Variants in ANOS1 observed in about 807,000 individuals in gnomAD.
The protein encoded by ANOS1 is anosmin 1, also known as anosmin-1.
Under a neutral mutation model 59.0 loss-of-function variants are expected in ANOS1, and 6 were observed. The observed-to-expected ratio is 0.10, with a 90% CI of 0.06 to 0.20. The LOEUF (loss-of-function observed/expected upper bound fraction) is 0.20, where lower values mean the gene tolerates loss of function less well. Ranked by LOEUF, ANOS1 falls within the 10% of genes least tolerant of loss-of-function variation. The pLI is 1.00. For synonymous variants in ANOS1, 217 were observed against 223.4 expected (o/e 0.97, Z 0.25); for missense variants, 433 against 542.3 (o/e 0.80, Z 2.00).
chrX:8,656,739 C>T (rs756306392), intron 2 of ANOS1, among the ~76,000 whole-genome samples: 3 of 111,452 alleles, frequency 2.7e-5, no homozygotes, highest in Non-Finnish European at 5.6e-5. Flanking sequence ...CAACGCCATA[C>T]ATGACTTGAA....
At chrX:8,707,688 T>C (rs1932787323) in intron 1 of ANOS1, among the ~76,000 whole-genome samples, 1 of 111,420 alleles carries the variant, frequency 9.0e-6, no homozygotes, top group Non-Finnish European at 1.9e-5. Flanking sequence ...ATTTTAAATA[T>C]ATAGGAGGAT....
chrX:8,610,024 A>C (rs1931020186), intron 3 of ANOS1, among the ~76,000 whole-genome samples: 2 of 88,872 alleles, frequency 2.3e-5, no homozygotes, highest in Non-Finnish European at 4.5e-5. Flanking sequence ...AAAAAAAAAA[A>C]AAAAAAAAAA....
chrX:8,605,969 G>A, intron 3 of ANOS1, among the ~76,000 whole-genome samples: 1 of 97,427 alleles, frequency 1.0e-5, no homozygotes, highest in South Asian at 6.3e-4. Flanking sequence ...GAGTGTATGT[G>A]CCTTGTGGGG....
At chrX:8,558,243 C>G (rs1328979683) in intron 8 of ANOS1, among the ~76,000 whole-genome samples, 1 of 111,065 alleles carries the variant, frequency 9.0e-6, no homozygotes, top group East Asian at 2.8e-4. Flanking sequence ...ATGGGTGCAG[C>G]ACACCACCAT....
chrX:8,721,048 T>A (rs1932871782), intron 1 of ANOS1, among the ~76,000 whole-genome samples: 1 of 111,999 alleles, frequency 8.9e-6, no homozygotes, highest in Admixed American at 9.5e-5. Flanking sequence ...AGATTCTTAT[T>A]GGTTAGAAGA....
At chrX:8,545,382 GGGAAGGAAGGAAGGAA>G (rs56104485) in intron 9 of ANOS1, among the ~76,000 whole-genome samples, 1 of 99,045 alleles carries the variant, frequency 1.0e-5, no homozygotes, top group Non-Finnish European at 2.0e-5. Flanking sequence ...GGAAAGGAAA[GGGAAGGAAGGAAGGAA>G]GGAAGGAAGG....
chrX:8,534,319 T>C lies in ANOS1; in HGVS notation c.1984A>G (p.Arg662Gly), dbSNP rs1367248542. ...CTTAATGCCCTGGCACCCCACTCAC[T>C]GTGTGCTGAAGAGGGTGGGAGCTCC... ...TPELPPSSAH[R>G]SHLKHRHPHH... The change falls in exon 13 of 14, where the codon AGA becomes GGA. Residue 662 changes from arginine to glycine, a missense_variant and splice_region_variant. Coordinates refer to ENST00000262648, the MANE Select transcript of ANOS1 (RefSeq NM_000216.4). 1 of 1,209,385 alleles carries C rather than the reference T, an allele frequency of 8.3e-7. No individual in the cohort carries two copies. Among genetic ancestry groups the C allele is most frequent in the Non-Finnish European group, 1.1e-6 (1 of 894,843 alleles).
intron 8 of ANOS1, among the ~76,000 whole-genome samples, chrX:8,557,979 A>G (rs1929973896): frequency 8.9e-6 from 1 of 112,123 alleles, no homozygotes; most frequent in Non-Finnish European, 1.9e-5. Flanking sequence ...ACACCATGGA[A>G]TACTATGTAG....
intron 3 of ANOS1, among the ~76,000 whole-genome samples, chrX:8,616,027 A>G (rs1394298068): frequency 1.1e-5 from 1 of 94,592 alleles, no homozygotes; most frequent in African/African-American, 3.9e-5. Flanking sequence ...CCACAATCTC[A>G]TTTGCGCCCC....
intron 2 of ANOS1, among the ~76,000 whole-genome samples, chrX:8,684,423 G>A (rs771564091): frequency 1.8e-5 from 2 of 111,159 alleles, no homozygotes; most frequent in Non-Finnish European, 3.8e-5. Context: ...GCTGCTTGCC[G>A]GCCGTAATGT....
intron 6 of ANOS1, among the ~76,000 whole-genome samples, chrX:8,579,340 G>A (rs1930382478): frequency 9.0e-6 from 1 of 111,354 alleles, no homozygotes; most frequent in African/African-American, 3.3e-5. Flanking sequence ...TGTAAAGCTC[G>A]TCAGATTTTG....
intron 3 of ANOS1, among the ~76,000 whole-genome samples, chrX:8,613,210 CCTT>C (rs1181001990): frequency 1.2e-5 from 1 of 85,007 alleles, no homozygotes; most frequent in Non-Finnish European, 2.2e-5. Flanking sequence ...TTTTCTTGTT[CCTT>C]CTTTTTTTTT....
chrX:8,693,865 A>G (rs1422454303), intron 2 of ANOS1, among the ~76,000 whole-genome samples: 1 of 107,864 alleles, frequency 9.3e-6, no homozygotes, highest in African/African-American at 3.4e-5. Flanking sequence ...CTGGGACTAC[A>G]GGTGTGCACC....
chrX:8,699,528 C>T (rs954317610), intron 2 of ANOS1, among the ~76,000 whole-genome samples, 170 bp downstream of exon 2: 1 of 112,059 alleles, frequency 8.9e-6, no homozygotes, highest in Admixed American at 9.5e-5. Context: ...ACATTGCATG[C>T]ATATCAATTT....
At chrX:8,707,516 C>G (rs961160279) in intron 1 of ANOS1, among the ~76,000 whole-genome samples, 1 of 111,615 alleles carries the variant, frequency 9.0e-6, no homozygotes, top group African/African-American at 3.3e-5. Flanking sequence ...AATAAAAATA[C>G]TAATTATCTT....
intron 2 of ANOS1, among the ~76,000 whole-genome samples, chrX:8,628,280 CCT>C (rs928830422): frequency 1.3e-4 from 14 of 111,945 alleles, no homozygotes; most frequent in Non-Finnish European, 1.3e-4. Flanking sequence ...AACTCCCCAC[CCT>C]TTTCCCAGAA....
At chrX:8,630,888 A>G (rs1282242691) in intron 2 of ANOS1, among the ~76,000 whole-genome samples, 4 of 113,093 alleles carry the variant, frequency 3.5e-5, no homozygotes, top group Non-Finnish European at 7.5e-5. Context: ...GTATGCCACC[A>G]GGGTGTCAGA....
At chrX:8,570,400 G>A (rs887274836) in intron 7 of ANOS1, 99 bp downstream of exon 7, 17 of 686,013 alleles carry the variant, frequency 2.5e-5, no homozygotes, top group Admixed American at 1.3e-4. Flanking sequence ...CTGCATCCAT[G>A]GCATCTCTCA....
intron 8 of ANOS1, among the ~76,000 whole-genome samples, chrX:8,565,574 G>A (rs1161005460): frequency 8.9e-6 from 1 of 112,227 alleles, no homozygotes; most frequent in African/African-American, 3.2e-5. Context: ...TCAATTTATA[G>A]GAAAGAAAAG....
Sources: allele counts gnomAD v4.1 joint callset (sites outside exome capture counted in the v4.1 genomes callset), GRCh38; gene constraint gnomAD v4.1.1; transcripts MANE v1.5; gene names NCBI Gene and HGNC (gene_info 2026-07-23, HGNC 2026-07-21).